The following ADCY10 variants were observed in gnomAD, a reference collection of about 807,000 sequenced individuals.
The protein encoded by ADCY10 is adenylate cyclase 10, also known as adenylate cyclase type 10.
In ADCY10, 156 loss-of-function variants were observed where a neutral mutation model predicts 183.3. That is an observed-to-expected ratio of 0.85 (90% confidence interval 0.75 to 0.97). The LOEUF (loss-of-function observed/expected upper bound fraction) is 0.97, where lower values mean the gene tolerates loss of function less well. Ranked by LOEUF, ADCY10 falls within the 50% of genes least tolerant of loss-of-function variation. The pLI, the probability that ADCY10 is intolerant of heterozygous loss-of-function variation, is 0.00. For synonymous variants in ADCY10, 645 were observed against 670.0 expected, an observed-to-expected ratio of 0.96 and a Z score of 0.58; for missense variants, 1,745 against 1,934.3, an observed-to-expected ratio of 0.90 and a Z score of 1.84.
chr1:167,885,992 G>A (rs112211370), intron 8 of ADCY10, among the ~76,000 whole-genome samples: 9,523 of 152,142 alleles, frequency 0.063, 382 homozygotes, highest in Middle Eastern at 0.12. Context: ...CTTATATAGG[G>A]ATGTGAAGGA....
intron 26 of ADCY10, among the ~76,000 whole-genome samples, chr1:167,827,334 A>ATTTTTT (rs35177857): frequency 4.4e-4 from 58 of 132,886 alleles, no homozygotes; most frequent in African/African-American, 1.6e-3. Context: ...CGCCCGGCTA[A>ATTTTTT]TTTTTTTTTT....
intron 16 of ADCY10, among the ~76,000 whole-genome samples, chr1:167,856,704 A>T (rs1665932677): frequency 6.6e-6 from 1 of 152,250 alleles, no homozygotes. Flanking sequence ...TTTGGAGAAT[A>T]GATGGAGTTT....
At chr1:167,850,528 G>C (rs1665388360) in intron 18 of ADCY10, among the ~76,000 whole-genome samples, 1 of 152,114 alleles carries the variant, frequency 6.6e-6, no homozygotes, top group Non-Finnish European at 1.5e-5. Flanking sequence ...GTTAAGGATA[G>C]AACTTGAAGA....
intron 21 of ADCY10, among the ~76,000 whole-genome samples, chr1:167,841,240 A>G (rs1664614929): frequency 6.6e-6 from 1 of 152,070 alleles, no homozygotes; most frequent in Non-Finnish European, 1.5e-5. Flanking sequence ...GTGCCTGGCA[A>G]GAATAAAATG....
intron 21 of ADCY10, among the ~76,000 whole-genome samples, chr1:167,842,024 C>T (rs1240197880): frequency 6.6e-6 from 1 of 152,120 alleles, no homozygotes; most frequent in Non-Finnish European, 1.5e-5. Flanking sequence ...GAGGGTAAAC[C>T]GTTGGAATGA....
chr1:167,892,687 GT>G (rs1668679140), intron 8 of ADCY10, among the ~76,000 whole-genome samples: 1 of 152,160 alleles, frequency 6.6e-6, no homozygotes, highest in African/African-American at 2.4e-5. Flanking sequence ...TGGGCTGAAG[GT>G]GGCAGGGTGC....
At chr1:167,864,811 C>A (rs1448989673) in intron 14 of ADCY10, among the ~76,000 whole-genome samples, 1 of 151,644 alleles carries the variant, frequency 6.6e-6, no homozygotes. Context: ...AGCACTGAGG[C>A]CTTCCTATCA....
intron 4 of ADCY10, 26 bp downstream of exon 4, chr1:167,901,990 C>T (rs200336884): frequency 1.9e-6 from 3 of 1,613,706 alleles, no homozygotes; most frequent in Non-Finnish European, 2.5e-6. Context: ...CTTTCTTACC[C>T]CTTCTATCTT....
At chr1:167,878,356 C>T in intron 12 of ADCY10, 90 bp downstream of exon 12, 1 of 1,448,660 alleles carries the variant, frequency 6.9e-7, no homozygotes, top group African/African-American at 1.4e-5. Context: ...TTTGAACTGG[C>T]TCCAAATCTT....
At chr1:167,855,436 A>G (rs575038846) in intron 17 of ADCY10, among the ~76,000 whole-genome samples, 1 of 152,354 alleles carries the variant, frequency 6.6e-6, no homozygotes, top group African/African-American at 2.4e-5. Flanking sequence ...CACATCTGCC[A>G]TAGACAGAGA....
intron 31 of ADCY10, among the ~76,000 whole-genome samples, chr1:167,811,116 A>G (rs973700065): frequency 6.6e-6 from 1 of 152,246 alleles, no homozygotes; most frequent in Non-Finnish European, 1.5e-5. Context: ...CACTGAGATC[A>G]GGAATTGACC....
intron 7 of ADCY10, 110 bp downstream of exon 7, chr1:167,896,485 A>G: frequency 1.2e-6 from 1 of 869,216 alleles, no homozygotes; most frequent in Non-Finnish European, 2.0e-6. Flanking sequence ...GGTAAGGACC[A>G]GGAGCTGTGT....
chr1:167,831,493 C>T (rs1156574734), intron 25 of ADCY10, among the ~76,000 whole-genome samples: 1 of 152,172 alleles, frequency 6.6e-6, no homozygotes, highest in Non-Finnish European at 1.5e-5. Flanking sequence ...AACACCCAGC[C>T]CTGGGTAAAA....
At chr1:167,883,100 C>T (rs1449177631) in intron 9 of ADCY10, among the ~76,000 whole-genome samples, 1 of 152,220 alleles carries the variant, frequency 6.6e-6, no homozygotes, top group Non-Finnish European at 1.5e-5. Flanking sequence ...CGCAGTGGTG[C>T]GATCTCGGCT....
chr1:167,853,105 T>C (rs1052343788), intron 18 of ADCY10, among the ~76,000 whole-genome samples: 2 of 152,350 alleles, frequency 1.3e-5, no homozygotes, highest in Non-Finnish European at 2.9e-5. Context: ...CACCTCATCA[T>C]GACACTGATC....
chr1:167,872,186 A>G (rs1326994464), intron 13 of ADCY10, among the ~76,000 whole-genome samples: 3 of 152,144 alleles, frequency 2.0e-5, no homozygotes, highest in African/African-American at 7.2e-5. Context: ...TAAAAATACA[A>G]AATTAGCCGG....
At chr1:167,828,599 G>T (rs934239256) in intron 26 of ADCY10, among the ~76,000 whole-genome samples, 2 of 152,150 alleles carry the variant, frequency 1.3e-5, no homozygotes, top group Non-Finnish European at 2.9e-5. Flanking sequence ...TTTGTTTGCG[G>T]AACAGAGTTT....
At chr1:167,822,768 T>C (rs1662992012) in intron 29 of ADCY10, among the ~76,000 whole-genome samples, 1 of 152,220 alleles carries the variant, frequency 6.6e-6, no homozygotes, top group Non-Finnish European at 1.5e-5. Context: ...ACAGTTTAAC[T>C]GGCAGCTCAT....
Position 167,816,482 on chromosome 1 carries a change from G to T in ADCY10, c.4482+1590C>A, listed in dbSNP as rs1297076604. 2.6e-5 allele frequency among the ~76,000 whole-genome samples: 4 copies of T among 152,080 alleles called. No homozygotes were observed. In the East Asian group the frequency reaches 7.7e-4, roughly 29 times the overall value. On this transcript the variant is annotated intron_variant, in intron 31 of 32. Transcript: ENST00000367851. ...AATTGCTTGAACCCAGGAGGTGGAG[G>T]TTGCAGTGAGTCAAGATCACGCCAC... is the stretch of plus-strand genomic sequence containing the variant.
Sources: allele counts gnomAD v4.1 joint callset (sites outside exome capture counted in the v4.1 genomes callset), GRCh38; gene constraint gnomAD v4.1.1; transcripts MANE v1.5; gene names NCBI Gene and HGNC (gene_info 2026-07-23, HGNC 2026-07-21).